The following MROH7 variants were observed in gnomAD, a reference collection of about 807,000 sequenced individuals.
The protein encoded by MROH7 is maestro heat-like repeat-containing protein family member 7.
A neutral mutation model predicts 129.2 loss-of-function variants in MROH7; 113 were observed. The observed-to-expected ratio is 0.87, with a 90% CI of 0.75 to 1.02. MROH7 has a LOEUF of 1.02. Ranked by LOEUF, MROH7 falls within the 50% of genes least tolerant of loss-of-function variation. The pLI is 0.00. For missense variants in MROH7, 1,601 were observed against 1,671.3 expected, an observed-to-expected ratio of 0.96 and a Z score of 0.73; for synonymous variants, 655 against 667.9, an observed-to-expected ratio of 0.98 and a Z score of 0.30.
At position 54,702,235 on chromosome 1, in the gene MROH7, A is replaced by G. The variant is rs765527225; in HGVS notation, c.3431A>G (p.Lys1144Arg). The G allele has an allele frequency of 3.9e-6, 6 of 1,542,378 alleles. No homozygotes were observed. The South Asian group carries it at 6.0e-5, about 15-fold the overall frequency. Residue 1144 changes from lysine (K) to arginine (R), a missense_variant, in exon 20 of 24, where the codon AAG becomes AGG. Coordinates refer to ENST00000421030, the MANE Select transcript of MROH7 (RefSeq NM_001039464.4). Reference sequence around the variant, plus strand: ...CTGACCATGCAGGAGGGCAACTCCAAGGTAAGCCAGGTGAGTGTGCGTGGG... The same window carrying G: ...CTGACCATGCAGGAGGGCAACTCCAGGGTAAGCCAGGTGAGTGTGCGTGGG... The part of the protein sequence containing the change: ...LLLTMQEGNS[K>R]VSQKCVKTLL...
chr1:54,683,016 A>G (rs912412779), intron 14 of MROH7, among the ~76,000 whole-genome samples: 1 of 142,782 alleles, frequency 7.0e-6, no homozygotes, highest in Admixed American at 7.2e-5. Flanking sequence ...TATGGGAAAA[A>G]GAGTGACTTG....
At chr1:54,662,049 A>G (rs769338564) in intron 3 of MROH7, among the ~76,000 whole-genome samples, 1 of 150,992 alleles carries the variant, frequency 6.6e-6, no homozygotes, top group East Asian at 2.0e-4. Context: ...TGAGACTCCC[A>G]TCTCTACAAA....
At chr1:54,661,947 G>A (rs1449108311) in intron 3 of MROH7, among the ~76,000 whole-genome samples, 1 of 152,118 alleles carries the variant, frequency 6.6e-6, no homozygotes, top group African/African-American at 2.4e-5. Context: ...GCTGGGCATG[G>A]TGGCTCACAC....
intron 18 of MROH7, 137 bp from the exon 19 acceptor site, chr1:54,701,006 G>C (rs1645426459): frequency 4.5e-6 from 4 of 898,388 alleles, no homozygotes; most frequent in Middle Eastern, 3.4e-4. Flanking sequence ...GGTATTCCAG[G>C]CAGGTGGGAT....
Position 54,668,886 on chromosome 1 carries a change from G to A in MROH7, c.1338G>A (p.Gln446=). Reference sequence around the variant, plus strand: ...ATGTCACCACCCTTCAGAAGAGCCAGGATCTGCTGGAGGCAGAAGGAGAAA... The same window carrying A: ...ATGTCACCACCCTTCAGAAGAGCCAAGATCTGCTGGAGGCAGAAGGAGAAA... ...VENVTTLQKS[Q]DLLEAEGEKK... is the part of the protein sequence containing the mutation. The change falls in exon 5 of 24, where the codon CAG becomes CAA. Residue 446 remains glutamine (Q), a synonymous_variant. Coordinates refer to ENST00000421030, the MANE Select transcript of MROH7 (RefSeq NM_001039464.4). 2 of 1,614,034 alleles carry A rather than the reference G, an allele frequency of 1.2e-6. No homozygotes were observed. The highest frequency in any genetic ancestry group is 1.7e-6 in the Non-Finnish European group (2 of 1,179,940).
intron 21 of MROH7, among the ~76,000 whole-genome samples, chr1:54,704,671 C>G (rs1645499485): frequency 6.6e-6 from 1 of 151,864 alleles, no homozygotes; most frequent in Non-Finnish European, 1.5e-5. Context: ...GTCTCGAACT[C>G]CTGACCTCAG....
intron 3 of MROH7, 150 bp from the exon 4 acceptor site, chr1:54,665,016 CA>C (rs887718646): frequency 2.4e-4 from 139 of 577,270 alleles, no homozygotes; most frequent in Non-Finnish European, 2.8e-4. Context: ...GAGACTGTCT[CA>C]AAAAAAAGGA....
In MROH7 at chr1:54,710,251, A is replaced by C; in HGVS notation, c.*64A>C. ...TCCAGCCATGCTCCCTATAAATGTC[A>C]TGTGGCTTACCTCTCCATCTTGATT... On this transcript the variant is annotated 3_prime_UTR_variant, in exon 24 of 24. Coordinates refer to ENST00000421030, the MANE Select transcript of MROH7 (RefSeq NM_001039464.4). 2.4e-4 allele frequency: 371 copies of C among 1,556,506 alleles called. No individual in the cohort carries two copies. Among genetic ancestry groups the C allele is most frequent in the Non-Finnish European group, 3.1e-4 (351 of 1,146,478 alleles).
At position 54,709,050 on chromosome 1, in the gene MROH7, A is replaced by C. The variant is rs1337871900; in HGVS notation, c.3704A>C (p.Glu1235Ala). The C allele has an allele frequency of 6.2e-7, 1 of 1,614,096 alleles. No homozygotes were observed. The highest frequency in any genetic ancestry group is 1.7e-5 in the Admixed American group (1 of 60,010). Residue 1235 changes from glutamate to alanine, a missense_variant, in exon 23 of 24, where the codon GAA becomes GCA. Physicochemically the swap from Glu to Ala is moderately radical, Grantham distance 107 (BLOSUM62 -1). Coordinates refer to ENST00000421030, the MANE Select transcript of MROH7 (RefSeq NM_001039464.4). ...CCCTGCATGGAGAGCATAATGACAG[A>C]AGATCGTCTGAATGAAGTGAAAGCT... ...LVPCMESIMT[E>A]DRLNEVKAAL...
In MROH7 at chr1:54,709,090, C is replaced by T. The variant is rs1021593496; in HGVS notation, c.3730+14C>T. On this transcript the variant is annotated intron_variant, in intron 23 of 23. Transcript: ENST00000421030. ...AAGTGAAAGCTGGTAAGTCATGCCC[C>T]GCATTGGTGAAATTTCAGGGGACAG... 6.8e-6 allele frequency: 11 copies of T among 1,613,504 alleles called. No homozygotes were observed. The highest frequency in any genetic ancestry group is 4.4e-5 in the South Asian group (4 of 91,062).
At position 54,702,674 on chromosome 1, in the gene MROH7, C is replaced by A; in HGVS notation, c.3493C>A (p.Pro1165Thr). 6.2e-7 allele frequency: 1 copy of A among 1,613,718 alleles called. No individual in the cohort carries two copies. Among genetic ancestry groups the A allele is most frequent in the Non-Finnish European group, 8.5e-7 (1 of 1,179,800 alleles). The stretch of plus-strand genomic sequence containing the variant: ...TTCTTACTTCATGGCTTGGGAGTTG[C>A]CAAAAAGAGCTTATAGCCGGAAGCC... ...RCSYFMAWELPKRAYSRKPWD... is the reference protein window; with the variant it reads ...RCSYFMAWELTKRAYSRKPWD... Residue 1165 changes from proline to threonine, a missense_variant, in exon 21 of 24, where the codon CCA becomes ACA. Physicochemically the swap from Pro to Thr is conservative, Grantham distance 38 (BLOSUM62 -1). Coordinates refer to ENST00000421030, the MANE Select transcript of MROH7 (RefSeq NM_001039464.4).
At chr1:54,688,848 A>T (rs1268370264) in intron 15 of MROH7, among the ~76,000 whole-genome samples, 1 of 152,136 alleles carries the variant, frequency 6.6e-6, no homozygotes, top group Non-Finnish European at 1.5e-5. Flanking sequence ...ATGGGAAAAA[A>T]TTCTTGACCT....
chr1:54,679,515 C>A, intron 12 of MROH7, 76 bp downstream of exon 12: 1 of 1,495,482 alleles, frequency 6.7e-7, no homozygotes, highest in Non-Finnish European at 9.1e-7. Context: ...TCATCACTGG[C>A]CGGCCAGACA....
chr1:54,665,925 A>T (rs1644806514), intron 4 of MROH7: 2 of 152,346 alleles, frequency 1.3e-5, no homozygotes, highest in African/African-American at 4.8e-5. Context: ...CTGGACTAAG[A>T]GGAGGCCCTG....
intron 4 of MROH7, chr1:54,665,534 T>C (rs984224054): frequency 4.1e-6 from 1 of 243,682 alleles, no homozygotes; most frequent in African/African-American, 2.2e-5. Flanking sequence ...CTCAATAAAA[T>C]ATTTTTAAAC....
chr1:54,677,613 C>T (rs1254182083), intron 10 of MROH7, among the ~76,000 whole-genome samples: 1 of 152,134 alleles, frequency 6.6e-6, no homozygotes, highest in Non-Finnish European at 1.5e-5. Context: ...AGCTCCTCTC[C>T]TTTACAAACA....
At position 54,645,651 on chromosome 1, in the gene MROH7, C is replaced by CTTTTTTTTTT. The variant is rs780480424; in HGVS notation, c.-110+3686_-110+3687insTTTTTTTTTT. Among the ~76,000 whole-genome samples the CTTTTTTTTTT allele has an allele frequency of 4.3e-4, 47 of 110,226 alleles. 2 individuals carry two copies. Among genetic ancestry groups the CTTTTTTTTTT allele is most frequent in the Non-Finnish European group, 5.0e-4 (28 of 56,222 alleles). 72.3% of individuals were successfully genotyped at this position (110,226 alleles called of 152,430 possible). A position where few individuals can be genotyped will look rare whatever the true frequency, so the allele number is the denominator to read the frequency against. On this transcript the variant is annotated intron_variant, in intron 1 of 23. Coordinates refer to ENST00000421030, the MANE Select transcript of MROH7 (RefSeq NM_001039464.4). ...GATATTTCTTTTCTTTTCTTTCTTT[C>CTTTTTTTTTT]TTTCTTTTTTTTTTTTTTTGAGACA...
At chr1:54,656,507 C>A in intron 3 of MROH7, among the ~76,000 whole-genome samples, 1 of 33,212 alleles carries the variant, frequency 3.0e-5, no homozygotes. Context: ...AAGACTCCAT[C>A]TCAAAAAAAA....
rs371335941 is a variant in MROH7, at chr1:54,653,702, T to C, written c.776T>C (p.Val259Ala). 18 of 1,614,032 alleles carry C rather than the reference T, an allele frequency of 1.1e-5. No homozygotes were observed. The Middle Eastern group carries it at 6.6e-4, about 59-fold the overall frequency. Reference sequence around the variant, plus strand: ...GCTTCACATAATATCTCTGAGTCTGTTTCAAAAGGAGCCTTTAGTACCACC... The same window carrying C: ...GCTTCACATAATATCTCTGAGTCTGCTTCAAAAGGAGCCTTTAGTACCACC... Reference protein sequence around the residue: ...TLASHNISESVSKGAFSTTWS... With the variant: ...TLASHNISESASKGAFSTTWS... The change falls in exon 3 of 24, where the codon GTT (valine) becomes GCT (alanine). Residue 259 changes from valine (V) to alanine (A), a missense_variant. Transcript: ENST00000421030.
Sources: gnomAD v4.1 joint callset for allele counts (sites outside exome capture counted in the v4.1 genomes callset) on GRCh38, gnomAD v4.1.1 for gene constraint, MANE v1.5 for transcripts, NCBI Gene and HGNC (gene_info 2026-07-23, HGNC 2026-07-21) for gene names.